Variants in RIN3 observed in about 807,000 individuals in gnomAD.
The protein encoded by RIN3 is RAB5 interacting protein 3.
A neutral mutation model predicts 76.3 loss-of-function variants in RIN3; 54 were observed. That is an observed-to-expected ratio of 0.71 (90% CI 0.57 to 0.89). The LOEUF (loss-of-function observed/expected upper bound fraction) is 0.89. Ranked by LOEUF, RIN3 falls within the 40% of genes least tolerant of loss-of-function variation. RIN3 has a pLI of 0.00. For synonymous variants in RIN3, 576 were observed against 564.0 expected, an observed-to-expected ratio of 1.02 and a Z score of -0.30; for missense variants, 1,256 against 1,322.1, an observed-to-expected ratio of 0.95 and a Z score of 0.78.
At chr14:92,554,976 T>C (rs1014129096) in intron 1 of RIN3, among the ~76,000 whole-genome samples, 2 of 152,222 alleles carry the variant, frequency 1.3e-5, no homozygotes, top group African/African-American at 2.4e-5. Context: ...AGCTATTTTA[T>C]ATTCTTTTTA....
At position 92,685,202 on chromosome 14, in the gene RIN3, C is replaced by T. The variant is rs1256344033; in HGVS notation, c.2631+52C>T. Reference sequence around the variant, plus strand: ...GGTGGGGCCATGTCCCAGACACCATCCCTGCTGCCTGCTGGCTAAGGAGCC... The same window carrying T: ...GGTGGGGCCATGTCCCAGACACCATTCCTGCTGCCTGCTGGCTAAGGAGCC... On this transcript the variant is annotated intron_variant, in intron 9 of 9. Transcript: ENST00000216487. The surrounding 1 kb of genome is among the most constrained non-coding windows in gnomAD (Gnocchi z 4.7). The T allele has an allele frequency of 2.0e-6, 3 of 1,514,912 alleles. No individual in the cohort carries two copies. The highest frequency in any genetic ancestry group is 2.7e-6 in the Non-Finnish European group (3 of 1,120,524). The allele number at this position is 1,514,912 out of a possible 1,614,324, so 93.8% of individuals were successfully genotyped here. A position where few individuals can be genotyped will look rare whatever the true frequency, so the allele number is the denominator to read the frequency against.
intron 3 of RIN3, among the ~76,000 whole-genome samples, chr14:92,598,565 A>G (rs1885233789): frequency 6.6e-6 from 1 of 152,266 alleles, no homozygotes; most frequent in Admixed American, 6.5e-5. Context: ...ACGGAGGCAC[A>G]GAGAGTTGAA....
rs550241204 is a variant in RIN3 at position 92,514,738 on chromosome 14, G to C, written c.44+762G>C. On this transcript the variant is annotated intron_variant, in intron 1 of 9. Transcript: ENST00000216487. The surrounding 1 kb of genome is among the most constrained non-coding windows in gnomAD (Gnocchi z 7.2). The stretch of plus-strand genomic sequence containing the variant: ...GCCCCCAGCCCCACCTCGCGAGCTC[G>C]GGCATTGCTCGGGGCTGGGCTCTGG... Among the ~76,000 whole-genome samples, 5 of 152,224 alleles carry C rather than the reference G, an allele frequency of 3.3e-5. No homozygotes were observed. Among genetic ancestry groups the C allele is most frequent in the Admixed American group, 1.3e-4 (2 of 15,286 alleles).
At chr14:92,562,277 G>C (rs1408039367) in intron 2 of RIN3, among the ~76,000 whole-genome samples, 1 of 152,182 alleles carries the variant, frequency 6.6e-6, no homozygotes, top group Non-Finnish European at 1.5e-5. Flanking sequence ...TTAACCACTG[G>C]TGATGTTGAC....
chr14:92,644,251 G>GT (rs770886574), intron 5 of RIN3, among the ~76,000 whole-genome samples: 4 of 152,220 alleles, frequency 2.6e-5, no homozygotes, highest in African/African-American at 7.2e-5. Context: ...TGTTGGTAGA[G>GT]TAAGTGAGAT....
At chr14:92,645,457 G>A (rs756011489) in intron 5 of RIN3, among the ~76,000 whole-genome samples, 3 of 152,234 alleles carry the variant, frequency 2.0e-5, no homozygotes, top group African/African-American at 4.8e-5. Context: ...GACACGTGGT[G>A]CAGCATGGAA....
rs767158953 is a variant in RIN3, at chr14:92,659,400, GAGA to G, written c.2273_2275del (p.Lys758del). Reference sequence around the variant, plus strand: ...CAGCATGCACAAGGCCTACTCACCTGAGAAGAAGATCTCCATCCTGCTCAAGAC... The same window carrying G: ...CAGCATGCACAAGGCCTACTCACCTGAGAAGATCTCCATCCTGCTCAAGAC... On this transcript the variant is annotated inframe_deletion, in exon 7 of 10. Transcript: ENST00000216487. 3.7e-6 allele frequency: 6 copies of G among 1,613,510 alleles called. No individual in the cohort carries two copies. Among genetic ancestry groups the G allele is most frequent in the South Asian group, 1.1e-5 (1 of 91,020 alleles).
chr14:92,543,488 G>A (rs1298291736), intron 1 of RIN3, among the ~76,000 whole-genome samples: 1 of 152,034 alleles, frequency 6.6e-6, no homozygotes, highest in East Asian at 1.9e-4. Flanking sequence ...GCTCTCAAAA[G>A]CCTATTGTTA....
chr14:92,684,933 C>A (rs1888793995), intron 8 of RIN3, 54 bp from the exon 9 acceptor site: 2 of 1,571,096 alleles, frequency 1.3e-6, no homozygotes, highest in African/African-American at 1.3e-5. Context: ...AAGCTCCTTG[C>A]CTCTGGTGGG....
intron 5 of RIN3, among the ~76,000 whole-genome samples, chr14:92,647,026 G>T (rs1228254265): frequency 6.6e-6 from 1 of 152,152 alleles, no homozygotes; most frequent in Non-Finnish European, 1.5e-5. Context: ...GTTACAGGAA[G>T]TTCATGAGGC....
chr14:92,650,321 C>T (rs1887366862), intron 5 of RIN3, among the ~76,000 whole-genome samples: 1 of 152,236 alleles, frequency 6.6e-6, no homozygotes, highest in Non-Finnish European at 1.5e-5. Context: ...CGAGTGCTTT[C>T]ATGTTTCTGA....
At chr14:92,580,492 TA>T (rs1449924901) in intron 3 of RIN3, among the ~76,000 whole-genome samples, 1 of 152,238 alleles carries the variant, frequency 6.6e-6, no homozygotes, top group Non-Finnish European at 1.5e-5. Flanking sequence ...GAGGGGATGA[TA>T]AGCAAGTAAC....
chr14:92,663,587 G>T (rs1422522257), intron 7 of RIN3, among the ~76,000 whole-genome samples: 1 of 152,216 alleles, frequency 6.6e-6, no homozygotes, highest in African/African-American at 2.4e-5. Context: ...CCCACCACTG[G>T]TTGAGCACTG....
intron 1 of RIN3, among the ~76,000 whole-genome samples, chr14:92,537,842 T>A (rs56334010): frequency 0.066 from 4,204 of 63,900 alleles, 217 homozygotes; most frequent in African/African-American, 0.2. Context: ...ATTTTATTTA[T>A]TTTTTTTTTT....
intron 7 of RIN3, among the ~76,000 whole-genome samples, chr14:92,660,242 C>T (rs765640582): frequency 3.9e-5 from 6 of 152,244 alleles, no homozygotes; most frequent in African/African-American, 1.4e-4. Flanking sequence ...CCTGAGCTTG[C>T]GTGGGCTTAT....
intron 1 of RIN3, among the ~76,000 whole-genome samples, chr14:92,535,678 T>C (rs542658647): frequency 1.4e-5 from 2 of 147,788 alleles, no homozygotes; most frequent in East Asian, 2.0e-4. Flanking sequence ...ACTTTTTTTT[T>C]TTTTTTTTTT....
At chr14:92,520,576 C>T (rs59117471) in intron 1 of RIN3, among the ~76,000 whole-genome samples, 10,089 of 152,220 alleles carry the variant, frequency 0.066, 1,134 homozygotes, top group African/African-American at 0.23. Flanking sequence ...GGCACTGATG[C>T]GAAAGCCTGT....
At chr14:92,534,167 G>T (rs1005579195) in intron 1 of RIN3, among the ~76,000 whole-genome samples, 3 of 150,656 alleles carry the variant, frequency 2.0e-5, no homozygotes, top group African/African-American at 4.9e-5. Context: ...TATCTGATCT[G>T]CCCAGCATCT....
intron 1 of RIN3, among the ~76,000 whole-genome samples, chr14:92,526,524 A>T (rs1034819937): frequency 1.3e-5 from 2 of 151,996 alleles, no homozygotes; most frequent in Non-Finnish European, 2.9e-5. Context: ...GGAGGCCAAG[A>T]CGGATGGATC....
Sources: allele counts gnomAD v4.1 joint callset (sites outside exome capture counted in the v4.1 genomes callset), GRCh38; gene constraint gnomAD v4.1.1; non-coding constraint Gnocchi (gnomAD v3.1); transcripts MANE v1.5; gene names NCBI Gene and HGNC (gene_info 2026-07-23, HGNC 2026-07-21).